Variants in ACYP2 observed in about 807,000 individuals in gnomAD.
ACYP2 encodes acylphosphatase 2, also known as acylphosphatase-2.
In ACYP2, 12 loss-of-function variants were observed where a neutral mutation model predicts 11.2. The ratio of observed to expected loss-of-function variants is 1.08; its 90% CI spans 0.69 to 1.74. The LOEUF (loss-of-function observed/expected upper bound fraction) is 1.74. ACYP2 is among the 40% of genes most tolerant of loss of function. The probability of loss-of-function intolerance (pLI) is 0.00; values close to 1 mark genes in which losing one functional copy is unlikely to be tolerated. For missense variants in ACYP2, 134 were observed against 101.9 expected (o/e 1.31, Z -1.35); for synonymous variants, 43 against 32.2 (o/e 1.33, Z -1.13).
intron 6 of ACYP2, among the ~76,000 whole-genome samples, chr2:54,237,266 T>C (rs1686525968): frequency 6.6e-6 from 1 of 152,212 alleles, no homozygotes; most frequent in South Asian, 2.1e-4. Context: ...TTATATGCTA[T>C]TGGCACATGT....
At chr2:53,992,602 G>A (rs1672355003) in intron 2 of ACYP2, among the ~76,000 whole-genome samples, 1 of 151,512 alleles carries the variant, frequency 6.6e-6, no homozygotes, top group African/African-American at 2.4e-5. Flanking sequence ...AGGCTAAGGT[G>A]GGCAGATCAC....
At chr2:54,115,111 A>C (rs1679675225) in intron 4 of ACYP2, among the ~76,000 whole-genome samples, 1 of 152,302 alleles carries the variant, frequency 6.6e-6, no homozygotes, top group Non-Finnish European at 1.5e-5. Context: ...TAAGTTCTGA[A>C]GATCTGTTGT....
chr2:53,981,403 A>G (rs1298432245), intron 2 of ACYP2, among the ~76,000 whole-genome samples: 1 of 152,160 alleles, frequency 6.6e-6, no homozygotes, highest in African/African-American at 2.4e-5. Flanking sequence ...CCCATTGTCC[A>G]CTTGGTGTAC....
intron 6 of ACYP2, among the ~76,000 whole-genome samples, chr2:54,160,442 T>A (rs1484578606): frequency 1.3e-5 from 2 of 152,148 alleles, no homozygotes; most frequent in African/African-American, 4.8e-5. Context: ...TTAAGACTAG[T>A]GTTGTGTTTG....
intron 6 of ACYP2, among the ~76,000 whole-genome samples, chr2:54,200,282 T>C (rs140481536): frequency 1.3e-5 from 2 of 152,186 alleles, no homozygotes; most frequent in African/African-American, 2.4e-5. Context: ...TGTACATATA[T>C]ACATGTGCAT....
chr2:54,071,000 C>G (rs1257835911), intron 4 of ACYP2, among the ~76,000 whole-genome samples: 1 of 152,064 alleles, frequency 6.6e-6, no homozygotes, highest in Non-Finnish European at 1.5e-5. Context: ...AGTCTGCCTG[C>G]CTTGGCCTCC....
intron 4 of ACYP2, among the ~76,000 whole-genome samples, chr2:54,078,658 G>A (rs1677478277): frequency 6.6e-6 from 1 of 150,646 alleles, no homozygotes; most frequent in Admixed American, 6.6e-5. Flanking sequence ...GGAGTGCAGT[G>A]GCGCAATTTT....
chr2:54,238,884 T>TA (rs1378868630), intron 6 of ACYP2, among the ~76,000 whole-genome samples: 1 of 151,564 alleles, frequency 6.6e-6, no homozygotes, highest in Non-Finnish European at 1.5e-5. Context: ...CACAAAAAAA[T>TA]AGGCCAGGCA....
chr2:54,029,800 T>TG (rs1041218628), intron 2 of ACYP2: 78 of 566,504 alleles, frequency 1.4e-4, no homozygotes, highest in African/African-American at 1.3e-3. Flanking sequence ...TGGTGACACT[T>TG]GGGGGGCATT....
At chr2:53,999,580 C>T (rs1345979332) in intron 2 of ACYP2, among the ~76,000 whole-genome samples, 2 of 152,110 alleles carry the variant, frequency 1.3e-5, no homozygotes, top group Admixed American at 6.5e-5. Context: ...CAGGATGAAG[C>T]CCTGCATAGG....
intron 4 of ACYP2, among the ~76,000 whole-genome samples, chr2:54,083,965 C>T (rs1296766864): frequency 6.6e-6 from 1 of 152,160 alleles, no homozygotes; most frequent in Non-Finnish European, 1.5e-5. Flanking sequence ...TTAAACAGAA[C>T]AAGAAATCAC....
intron 4 of ACYP2, among the ~76,000 whole-genome samples, chr2:54,089,633 A>G (rs917800546): frequency 5.3e-5 from 8 of 151,874 alleles, no homozygotes; most frequent in Non-Finnish European, 1.0e-4. Context: ...CCAGCTACTC[A>G]GGGGGCTGAG....
intron 6 of ACYP2, among the ~76,000 whole-genome samples, chr2:54,213,273 C>T (rs1391839570): frequency 1.3e-5 from 2 of 152,158 alleles, no homozygotes; most frequent in East Asian, 1.9e-4. Flanking sequence ...CATGATTTCA[C>T]TCTTTTTTGT....
intron 4 of ACYP2, among the ~76,000 whole-genome samples, chr2:54,133,158 T>C (rs899148935): frequency 6.6e-6 from 1 of 152,206 alleles, no homozygotes; most frequent in East Asian, 1.9e-4. Context: ...TCCCCTCTAC[T>C]CCTGGCCCTT....
chr2:54,194,989 T>C (rs1214481619), intron 6 of ACYP2, among the ~76,000 whole-genome samples: 1 of 152,340 alleles, frequency 6.6e-6, no homozygotes, highest in East Asian at 1.9e-4. Context: ...GAGAACCATA[T>C]GCATTGACTT....
chr2:54,103,973 G>A (rs1320121514), intron 4 of ACYP2, among the ~76,000 whole-genome samples: 1 of 152,230 alleles, frequency 6.6e-6, no homozygotes, highest in Non-Finnish European at 1.5e-5. Context: ...AGATCCTGCA[G>A]GTTAGAGAGA....
chr2:54,141,477 ATAGCCAG>A lies in ACYP2; in HGVS notation c.404+2731_404+2737del, dbSNP rs796250027. Among the ~76,000 whole-genome samples, 12 of 152,276 alleles carry A rather than the reference ATAGCCAG, an allele frequency of 7.9e-5. 1 individual carries two copies. The South Asian group carries it at 2.5e-3, about 32-fold the overall frequency. Reference sequence around the variant, plus strand: ...GGACCAACTATTTTCTACCAGATGAATAGCCAGTTGTCCTGGCGCCACTTACTAAATA... The same window carrying A: ...GGACCAACTATTTTCTACCAGATGAATTGTCCTGGCGCCACTTACTAAATA... On this transcript the variant is annotated intron_variant, in intron 6 of 6. Transcript: ENST00000607452.
intron 2 of ACYP2, among the ~76,000 whole-genome samples, chr2:54,007,207 T>G (rs1573503511): frequency 1.4e-5 from 2 of 144,506 alleles, no homozygotes; most frequent in African/African-American, 5.0e-5. Flanking sequence ...TACGCCTACA[T>G]TTTAGCGGAG....
At chr2:53,986,271 G>T (rs972030624) in intron 2 of ACYP2, among the ~76,000 whole-genome samples, 2 of 151,912 alleles carry the variant, frequency 1.3e-5, no homozygotes, top group Middle Eastern at 3.2e-3. Context: ...ACAGCCTGAA[G>T]CTCTCACCGG....
Sources: allele counts gnomAD v4.1 joint callset (sites outside exome capture counted in the v4.1 genomes callset), GRCh38; gene constraint gnomAD v4.1.1; transcripts MANE v1.5; gene names NCBI Gene and HGNC (gene_info 2026-07-23, HGNC 2026-07-21).